The following REV3L variants were observed in gnomAD, a reference collection of about 807,000 sequenced individuals.
REV3L encodes the protein DNA polymerase zeta catalytic subunit.
REV3L carries 69 observed loss-of-function variants against 299.4 expected under a neutral mutation model. The observed-to-expected ratio is 0.23, with a 90% CI of 0.19 to 0.28. The LOEUF is 0.28. Ranked by LOEUF, REV3L falls within the 10% of genes least tolerant of loss-of-function variation. The probability of loss-of-function intolerance (pLI) is 1.00; values close to 1 mark genes in which losing one functional copy is unlikely to be tolerated. For missense variants in REV3L, 3,128 were observed against 3,693.8 expected (o/e 0.85, Z 3.97); for synonymous variants, 1,238 against 1,271.4 (o/e 0.97, Z 0.56).
intron 1 of REV3L, among the ~76,000 whole-genome samples, chr6:111,445,363 A>AC (rs1788721931): frequency 6.6e-6 from 1 of 152,198 alleles, no homozygotes; most frequent in Admixed American, 6.5e-5. Context: ...CTGAATATGT[A>AC]CCCCTGAATC....
At chr6:111,406,075 C>T (rs1783588560) in intron 3 of REV3L, among the ~76,000 whole-genome samples, 1 of 151,854 alleles carries the variant, frequency 6.6e-6, no homozygotes, top group Non-Finnish European at 1.5e-5. Context: ...AAACAACAGA[C>T]AATTATATAC....
intron 1 of REV3L, among the ~76,000 whole-genome samples, chr6:111,440,961 T>C (rs1369201690): frequency 1.3e-5 from 2 of 152,376 alleles, no homozygotes; most frequent in East Asian, 3.9e-4. Context: ...AAGTCCGATG[T>C]AATTTTTGCT....
intron 20 of REV3L, among the ~76,000 whole-genome samples, chr6:111,347,332 A>C (rs1213545875): frequency 6.6e-6 from 1 of 151,568 alleles, no homozygotes; most frequent in African/African-American, 2.4e-5. Flanking sequence ...AATACACCAC[A>C]ATCTCTGTAT....
intron 1 of REV3L, among the ~76,000 whole-genome samples, chr6:111,426,603 A>G (rs1251331502): frequency 6.6e-6 from 1 of 152,248 alleles, no homozygotes. Flanking sequence ...GCCAACTTCC[A>G]AACTGAACAA....
chr6:111,377,627 G>C, intron 12 of REV3L, 74 bp downstream of exon 12: 3 of 1,442,406 alleles, frequency 2.1e-6, no homozygotes, highest in South Asian at 2.6e-5. Context: ...GTGAGCCAGA[G>C]CGCCTAGCCT....
chr6:111,461,394 T>C (rs1790758909), intron 1 of REV3L, among the ~76,000 whole-genome samples: 1 of 152,120 alleles, frequency 6.6e-6, no homozygotes, highest in African/African-American at 2.4e-5. Context: ...TACAATGTAT[T>C]TGTTTTAAGC....
chr6:111,483,124 G>C lies in REV3L; in HGVS notation c.-236C>G, dbSNP rs1257706791. On this transcript the variant is annotated 5_prime_UTR_variant, in exon 1 of 32. Transcript: ENST00000368802. ...GGAGAGAAGCCCTCGAGCTTTCGTC[G>C]GTGCTGGTGCTGCCGCCACTGCCGC... 2 of 496,812 alleles carry C rather than the reference G, an allele frequency of 4.0e-6. No homozygotes were observed. The highest frequency in any genetic ancestry group is 6.9e-6 in the Non-Finnish European group (2 of 289,890). The allele number at this position is 496,812 out of a possible 1,614,324, so 30.8% of individuals were successfully genotyped here. A position where few individuals can be genotyped will look rare whatever the true frequency, so the allele number is the denominator to read the frequency against.
At chr6:111,398,477 TAAC>T (rs1486272535) in intron 4 of REV3L, among the ~76,000 whole-genome samples, 1 of 152,152 alleles carries the variant, frequency 6.6e-6, no homozygotes, top group African/African-American at 2.4e-5. Flanking sequence ...CACTTCATTT[TAAC>T]AACTACAGTA....
At chr6:111,342,395 A>G (rs964436575) in intron 21 of REV3L, among the ~76,000 whole-genome samples, 8 of 152,182 alleles carry the variant, frequency 5.3e-5, no homozygotes, top group Admixed American at 3.3e-4. Context: ...CAGGCCGGGC[A>G]CGGTGGCTCA....
intron 4 of REV3L, among the ~76,000 whole-genome samples, chr6:111,398,694 C>A (rs190892655): frequency 3.3e-5 from 5 of 151,850 alleles, no homozygotes; most frequent in Admixed American, 6.6e-5. Flanking sequence ...TATTTACTTA[C>A]AAGAAGTTTA....
chr6:111,354,292 A>G (rs1244263966), intron 18 of REV3L: 2 of 152,110 alleles, frequency 1.3e-5, no homozygotes, highest in Non-Finnish European at 2.9e-5. Flanking sequence ...CCAGTCAGCT[A>G]TTTGTTCTGT....
chr6:111,389,041 A>G, intron 7 of REV3L, 65 bp downstream of exon 7: 2 of 1,216,392 alleles, frequency 1.6e-6, no homozygotes, highest in South Asian at 1.3e-5. Flanking sequence ...GAACAACTCA[A>G]TGACAAACTT....
intron 1 of REV3L, among the ~76,000 whole-genome samples, chr6:111,424,795 G>A (rs985697557): frequency 1.3e-5 from 2 of 152,168 alleles, no homozygotes; most frequent in African/African-American, 4.8e-5. Context: ...AGCCCTATAT[G>A]CGGCAGGGTC....
intron 20 of REV3L, among the ~76,000 whole-genome samples, chr6:111,348,696 C>T (rs1777266458): frequency 6.6e-6 from 1 of 152,212 alleles, no homozygotes; most frequent in Non-Finnish European, 1.5e-5. Context: ...GTCACCCAGG[C>T]TTGAGTGCAG....
rs140971380 is a variant in REV3L, at chr6:111,455,913, C to G, written c.139+26837G>C. On this transcript the variant is annotated intron_variant, in intron 1 of 31. Transcript: ENST00000368802. ...ACAATGTTTCAGTCAAGATGGAATG[C>G]ACATGCAATGGTGGTTCCTTAAGAT... 1.1e-3 allele frequency among the ~76,000 whole-genome samples: 166 copies of G among 152,280 alleles called. 1 individual carries two copies. Among genetic ancestry groups the G allele is most frequent in the Non-Finnish European group, 1.6e-3 (108 of 68,022 alleles).
At position 111,353,533 on chromosome 6, in the gene REV3L, T is replaced by C. The variant is rs76937968; in HGVS notation, c.7185-1742A>G. Among the ~76,000 whole-genome samples, 7 of 152,310 alleles carry C rather than the reference T, an allele frequency of 4.6e-5. No individual in the cohort carries two copies. The East Asian group carries it at 7.7e-4, about 17-fold the overall frequency. ...TATCTGGTGATCTGTTCATGATCCA[T>C]TGTTATACCACAGACTTGCTGAGCA... is the stretch of plus-strand genomic sequence containing the variant. On this transcript the variant is annotated intron_variant, in intron 18 of 31. Transcript: ENST00000368802.
At chr6:111,381,478 A>T (rs776393891) in intron 9 of REV3L, 34 bp from the exon 10 acceptor site, 11 of 1,568,798 alleles carry the variant, frequency 7.0e-6, no homozygotes, top group Non-Finnish European at 9.5e-6. Flanking sequence ...AAATTGAAGC[A>T]ATGGCCTAAA....
At chr6:111,378,578 C>T (rs17510817) in intron 11 of REV3L, among the ~76,000 whole-genome samples, 4,600 of 152,206 alleles carry the variant, frequency 0.03, 77 homozygotes, top group South Asian at 0.078. Context: ...TCATTTTTAA[C>T]GAACCTGACA....
chr6:111,337,309 T>C (rs1776004221), intron 21 of REV3L, among the ~76,000 whole-genome samples: 2 of 152,210 alleles, frequency 1.3e-5, no homozygotes, highest in South Asian at 4.1e-4. Flanking sequence ...CATGAAAGAA[T>C]CCTAAACTCT....
Sources: allele counts gnomAD v4.1 joint callset (sites outside exome capture counted in the v4.1 genomes callset), GRCh38; gene constraint gnomAD v4.1.1; transcripts MANE v1.5; gene names NCBI Gene and HGNC (gene_info 2026-07-23, HGNC 2026-07-21).